Variants in CADPS2 observed in about 807,000 individuals in gnomAD.
The protein encoded by CADPS2 is calcium-dependent secretion activator 2.
A neutral mutation model predicts 172.5 loss-of-function variants in CADPS2; 93 were observed. The ratio of observed to expected loss-of-function variants is 0.54; its 90% confidence interval spans 0.46 to 0.64. The LOEUF (loss-of-function observed/expected upper bound fraction) is 0.64. CADPS2 is among the 30% of genes least tolerant of loss of function. The pLI is 0.00. For synonymous variants in CADPS2, 546 were observed against 555.2 expected (o/e 0.98, Z 0.23); for missense variants, 1,420 against 1,565.9 (o/e 0.91, Z 1.57).
intron 2 of CADPS2, among the ~76,000 whole-genome samples, chr7:122,707,640 T>G (rs2087800205): frequency 1.3e-5 from 2 of 151,434 alleles, no homozygotes; most frequent in African/African-American, 4.8e-5. Flanking sequence ...ACTATGTATG[T>G]TTTTTTTGCA....
At chr7:122,404,991 T>G (rs2046462538) in intron 20 of CADPS2, among the ~76,000 whole-genome samples, 2 of 151,646 alleles carry the variant, frequency 1.3e-5, no homozygotes, top group Non-Finnish European at 2.9e-5. Flanking sequence ...GCCAGGTGTG[T>G]GGTGGCGGGC....
intron 23 of CADPS2, among the ~76,000 whole-genome samples, chr7:122,388,157 C>A (rs1289607790): frequency 6.6e-6 from 1 of 151,942 alleles, no homozygotes; most frequent in East Asian, 1.9e-4. Flanking sequence ...AGTTAGTAAT[C>A]CCAGAACAAC....
chr7:122,831,659 C>G (rs939805118), intron 1 of CADPS2, among the ~76,000 whole-genome samples: 3 of 152,134 alleles, frequency 2.0e-5, no homozygotes, highest in Non-Finnish European at 4.4e-5. Context: ...AGGCCAAAGC[C>G]TGTACTTGTG....
chr7:122,855,911 T>C (rs1053245484), intron 1 of CADPS2, among the ~76,000 whole-genome samples: 4 of 152,168 alleles, frequency 2.6e-5, no homozygotes, highest in Admixed American at 1.3e-4. Flanking sequence ...AGACTGGTCA[T>C]GCAAATATTA....
chr7:122,710,694 T>C (rs1448856715), intron 2 of CADPS2, among the ~76,000 whole-genome samples: 1 of 152,094 alleles, frequency 6.6e-6, no homozygotes, highest in Non-Finnish European at 1.5e-5. Flanking sequence ...CCCATCATCT[T>C]TACAGACCCA....
intron 11 of CADPS2, among the ~76,000 whole-genome samples, chr7:122,481,489 C>G (rs2057299564): frequency 6.6e-6 from 1 of 151,824 alleles, no homozygotes; most frequent in African/African-American, 2.4e-5. Flanking sequence ...GCCTGTAATC[C>G]CAGCACTTCG....
intron 14 of CADPS2, among the ~76,000 whole-genome samples, chr7:122,465,965 T>C (rs1212267567): frequency 6.6e-6 from 1 of 152,216 alleles, no homozygotes; most frequent in Non-Finnish European, 1.5e-5. Context: ...AGAGCTTTCT[T>C]TGATTGTTTC....
At chr7:122,636,980 A>G (rs1251876368) in intron 3 of CADPS2, among the ~76,000 whole-genome samples, 1 of 151,994 alleles carries the variant, frequency 6.6e-6, no homozygotes, top group East Asian at 1.9e-4. Context: ...CAGGAATGCC[A>G]ATGAGTTGTA....
chr7:122,659,267 A>C (rs2080214401), intron 3 of CADPS2, among the ~76,000 whole-genome samples: 1 of 150,346 alleles, frequency 6.7e-6, no homozygotes, highest in Non-Finnish European at 1.5e-5. Flanking sequence ...TAATAAAAGC[A>C]GGAGACGGAA....
rs776235128 is a variant in CADPS2 at position 122,621,695 on chromosome 7, A to C, written c.890T>G (p.Ile297Arg). The C allele has an allele frequency of 6.3e-7, 1 of 1,588,360 alleles. No homozygotes were observed. Among genetic ancestry groups the C allele is most frequent in the Non-Finnish European group, 8.5e-7 (1 of 1,169,732 alleles). The change falls in exon 5 of 30, where the codon ATA becomes AGA. Residue 297 changes from isoleucine to arginine, a missense_variant. Coordinates refer to ENST00000449022, the MANE Select transcript of CADPS2 (RefSeq NM_017954.11). ...ATACATATTCTCCATATCTTTTGCT[A>C]TAAATTTGGGGAATTTTCTTTCCTT... ...MAKERKFPKF[I>R]AKDMENMYIE...
rs1859353 is a variant in CADPS2 at position 122,369,139 on chromosome 7, C to G, written c.3388-8126G>C. ...AAGAATTTTTGTTTCCCCCCCCCCC[C>G]CCCTTTTTTTTTTTTTGAGTCTCGC... On this transcript the variant is annotated intron_variant, in intron 25 of 29. Coordinates refer to ENST00000449022, the MANE Select transcript of CADPS2 (RefSeq NM_017954.11). 8.0e-4 allele frequency among the ~76,000 whole-genome samples: 68 copies of G among 84,642 alleles called. 1 individual carries two copies. The highest frequency in any genetic ancestry group is 2.8e-3 in the African/African-American group (60 of 21,154). The allele number at this position is 84,642 out of a possible 152,430, so 55.5% of individuals were successfully genotyped here.
At chr7:122,833,538 T>TTTTG (rs558678642) in intron 1 of CADPS2, among the ~76,000 whole-genome samples, 92 of 151,902 alleles carry the variant, frequency 6.1e-4, no homozygotes, top group African/African-American at 2.1e-3. Context: ...CTTTGTTTTT[T>TTTTG]TTTGTTTGTT....
intron 6 of CADPS2, among the ~76,000 whole-genome samples, chr7:122,589,394 C>A (rs994051197): frequency 1.3e-5 from 2 of 151,872 alleles, no homozygotes; most frequent in Non-Finnish European, 2.9e-5. Context: ...AAGCACTGTA[C>A]AAATGTTTTT....
chr7:122,543,404 T>C (rs1042047269), intron 8 of CADPS2, among the ~76,000 whole-genome samples: 2 of 152,148 alleles, frequency 1.3e-5, no homozygotes, highest in African/African-American at 2.4e-5. Flanking sequence ...ATCACTATTA[T>C]TACAGCAAAT....
intron 13 of CADPS2, among the ~76,000 whole-genome samples, chr7:122,473,529 T>G (rs1263139159): frequency 5.3e-5 from 8 of 152,108 alleles, no homozygotes; most frequent in African/African-American, 1.7e-4. Flanking sequence ...CTGAAGAAAA[T>G]TCAATATTTG....
chr7:122,602,236 C>T (rs1334195135), intron 6 of CADPS2, among the ~76,000 whole-genome samples: 1 of 151,712 alleles, frequency 6.6e-6, no homozygotes, highest in Non-Finnish European at 1.5e-5. Flanking sequence ...GGAATTACCT[C>T]ATTTGAATGT....
intron 1 of CADPS2, among the ~76,000 whole-genome samples, chr7:122,794,798 A>ACTAAGCATAATAAGACTAAACAGCAT (rs1796020312): frequency 6.6e-6 from 1 of 152,112 alleles, no homozygotes; most frequent in Non-Finnish European, 1.5e-5. Flanking sequence ...ATCAAATTGG[A>ACTAAGCATAATAAGACTAAACAGCAT]AATCAAGACT....
At chr7:122,324,962 G>C (rs545821984) in intron 29 of CADPS2, among the ~76,000 whole-genome samples, 1 of 151,954 alleles carries the variant, frequency 6.6e-6, no homozygotes, top group African/African-American at 2.4e-5. Flanking sequence ...AGTAGTTTTG[G>C]GTGGTCTCCA....
intron 1 of CADPS2, among the ~76,000 whole-genome samples, chr7:122,774,519 TCA>T (rs2093814980): frequency 6.6e-6 from 1 of 152,126 alleles, no homozygotes; most frequent in Non-Finnish European, 1.5e-5. Context: ...TATTTTGGGA[TCA>T]GTTTGTTTAA....
Sources: gnomAD v4.1 joint callset for allele counts (sites outside exome capture counted in the v4.1 genomes callset) on GRCh38, gnomAD v4.1.1 for gene constraint, MANE v1.5 for transcripts, NCBI Gene and HGNC (gene_info 2026-07-23, HGNC 2026-07-21) for gene names.